Variants in CHRM3 observed in about 807,000 individuals in gnomAD.
CHRM3 encodes muscarinic acetylcholine receptor M3.
CHRM3 carries 11 observed loss-of-function variants against 41.8 expected under a neutral mutation model. The ratio of observed to expected loss-of-function variants is 0.26; its 90% CI spans 0.17 to 0.44. CHRM3 has a LOEUF of 0.44. Ranked by LOEUF, CHRM3 falls within the 20% of genes least tolerant of loss-of-function variation. CHRM3 has a pLI of 1.00. For synonymous variants in CHRM3, 297 were observed against 301.4 expected, an observed-to-expected ratio of 0.99 and a Z score of 0.15; for missense variants, 571 against 745.4, an observed-to-expected ratio of 0.77 and a Z score of 2.72.
At chr1:239,722,861 C>T (rs1209126737) in intron 5 of CHRM3, among the ~76,000 whole-genome samples, 1 of 151,632 alleles carries the variant, frequency 6.6e-6, no homozygotes, top group Non-Finnish European at 1.5e-5. Flanking sequence ...TAACACATTC[C>T]AGGGTAAATA....
chr1:239,548,258 A>G (rs1659480676), intron 3 of CHRM3, among the ~76,000 whole-genome samples: 1 of 152,166 alleles, frequency 6.6e-6, no homozygotes, highest in African/African-American at 2.4e-5. Context: ...TAGAGTCAAG[A>G]GCATGAGCCC....
chr1:239,821,707 C>A (rs1320646107), intron 5 of CHRM3, among the ~76,000 whole-genome samples: 1 of 152,146 alleles, frequency 6.6e-6, no homozygotes, highest in African/African-American at 2.4e-5. Context: ...TTCTAAATTC[C>A]AGAATCAGAA....
At position 239,907,981 on chromosome 1, in the gene CHRM3, G is replaced by A. The variant is rs772370324; in HGVS notation, c.530G>A (p.Arg177Gln). Residue 177 changes from arginine (R) to glutamine (Q), a missense_variant, in exon 7 of 7, where the codon CGA becomes CAA. Around this residue, in one of 5 missense-constraint regions of CHRM3, gnomAD observed 153 missense variants for 296.3 expected, o/e 0.52. Transcript: ENST00000676153. The surrounding 1 kb of genome is among the most constrained non-coding windows in gnomAD (Gnocchi z 5.4). ...TCCATCACGAGGCCGCTCACGTACC[G>A]AGCCAAACGAACAACAAAGAGAGCC... ...YFSITRPLTY[R>Q]AKRTTKRAGV... The A allele has an allele frequency of 3.7e-6, 6 of 1,614,108 alleles. No homozygotes were observed. The highest frequency in any genetic ancestry group is 5.1e-6 in the Non-Finnish European group (6 of 1,180,010).
chr1:239,780,606 C>T (rs1044335665), intron 5 of CHRM3, among the ~76,000 whole-genome samples: 2 of 152,146 alleles, frequency 1.3e-5, no homozygotes, highest in South Asian at 2.1e-4. Flanking sequence ...ACAGAGAAGA[C>T]ATTTTAATGA....
rs143673162 is a variant in CHRM3, at chr1:239,762,014, G to A, written c.-146-65238G>A. 6.2e-3 allele frequency among the ~76,000 whole-genome samples: 937 copies of A among 152,250 alleles called. 8 individuals carry two copies. The highest frequency in any genetic ancestry group is 7.7e-3 in the Non-Finnish European group (523 of 68,018). ...GGGAGTAGACTGGAATGATCCTCGG[G>A]TTCACTTTGCTTGGTTCCCTTTTCT... On this transcript the variant is annotated intron_variant, in intron 5 of 6. Coordinates refer to ENST00000676153, the MANE Select transcript of CHRM3 (RefSeq NM_001375978.1).
At chr1:239,784,395 G>A (rs1305518699) in intron 5 of CHRM3, among the ~76,000 whole-genome samples, 1 of 151,874 alleles carries the variant, frequency 6.6e-6, no homozygotes, top group Non-Finnish European at 1.5e-5. Context: ...TAGTATATCA[G>A]TTTTACTCCT....
At chr1:239,548,982 A>G (rs1165359244) in intron 3 of CHRM3, among the ~76,000 whole-genome samples, 4 of 152,214 alleles carry the variant, frequency 2.6e-5, no homozygotes, top group African/African-American at 7.2e-5. Flanking sequence ...TTACGGTTCT[A>G]TGTGGCTGGG....
chr1:239,756,077 C>G (rs1666219846), intron 5 of CHRM3, among the ~76,000 whole-genome samples: 2 of 152,242 alleles, frequency 1.3e-5, no homozygotes, highest in Non-Finnish European at 2.9e-5. Context: ...CTAAGCTTCC[C>G]CAGCAAATGA....
chr1:239,709,076 A>G (rs947616970), intron 5 of CHRM3, among the ~76,000 whole-genome samples: 1 of 152,096 alleles, frequency 6.6e-6, no homozygotes, highest in Non-Finnish European at 1.5e-5. Flanking sequence ...ACTGTTTTCT[A>G]TCTGTTTCTA....
At chr1:239,454,758 A>G (rs939385869) in intron 1 of CHRM3, among the ~76,000 whole-genome samples, 19 of 152,116 alleles carry the variant, frequency 1.2e-4, no homozygotes, top group African/African-American at 4.6e-4. Flanking sequence ...GACCAAATAC[A>G]ATTATATACC....
intron 5 of CHRM3, among the ~76,000 whole-genome samples, chr1:239,727,215 A>C (rs1325470609): frequency 6.6e-6 from 1 of 151,974 alleles, no homozygotes; most frequent in Non-Finnish European, 1.5e-5. Context: ...GGAGAGCTAT[A>C]GTCTGCTTTG....
chr1:239,828,359 TA>T (rs1289061008), intron 6 of CHRM3, among the ~76,000 whole-genome samples: 1 of 152,078 alleles, frequency 6.6e-6, no homozygotes, highest in African/African-American at 2.4e-5. Context: ...TATGCACCTA[TA>T]TAGGTACACA....
At chr1:239,770,945 G>C (rs930220262) in intron 5 of CHRM3, among the ~76,000 whole-genome samples, 1 of 151,942 alleles carries the variant, frequency 6.6e-6, no homozygotes, top group African/African-American at 2.4e-5. Flanking sequence ...AAAATTAGCT[G>C]GGCCTGGTGG....
rs1302430309 is a variant in CHRM3 at position 239,728,299 on chromosome 1, GA to G, written c.-147+50013del. Among the ~76,000 whole-genome samples, 3 of 152,068 alleles carry G rather than the reference GA, an allele frequency of 2.0e-5. No individual in the cohort carries two copies. The East Asian group carries it at 5.8e-4, about 30-fold the overall frequency. On this transcript the variant is annotated intron_variant, in intron 5 of 6. Coordinates refer to ENST00000676153, the MANE Select transcript of CHRM3 (RefSeq NM_001375978.1). The stretch of plus-strand genomic sequence containing the variant: ...CTTTGAATGAGATTAGGATATAACA[GA>G]ATGAGACCTTAGGAGTTCGGGCAAA...
intron 5 of CHRM3, among the ~76,000 whole-genome samples, chr1:239,731,999 C>A (rs961204280): frequency 1.3e-5 from 2 of 151,874 alleles, no homozygotes; most frequent in African/African-American, 4.8e-5. Flanking sequence ...ATTTAGCAAC[C>A]TTTCCATTTT....
At chr1:239,637,162 A>G (rs1008386718) in intron 4 of CHRM3, among the ~76,000 whole-genome samples, 2 of 152,164 alleles carry the variant, frequency 1.3e-5, no homozygotes, top group Non-Finnish European at 2.9e-5. Context: ...TACAGAAATG[A>G]TGACCTGTAA....
chr1:239,867,509 G>A (rs527267671), intron 6 of CHRM3, among the ~76,000 whole-genome samples: 1 of 152,192 alleles, frequency 6.6e-6, no homozygotes, highest in African/African-American at 2.4e-5. Context: ...CCAACATGGT[G>A]AAACCCTGTC....
intron 1 of CHRM3, among the ~76,000 whole-genome samples, chr1:239,453,246 C>T (rs1270581400): frequency 1.3e-5 from 2 of 152,184 alleles, no homozygotes; most frequent in Non-Finnish European, 2.9e-5. Context: ...GTTTTACTTC[C>T]AGGACAAAAG....
At chr1:239,471,743 T>C (rs1175636184) in intron 1 of CHRM3, among the ~76,000 whole-genome samples, 1 of 152,182 alleles carries the variant, frequency 6.6e-6, no homozygotes, top group East Asian at 1.9e-4. Flanking sequence ...GGCCTAGGAA[T>C]ACACCCATTT....
Sources: allele counts gnomAD v4.1 joint callset (sites outside exome capture counted in the v4.1 genomes callset), GRCh38; gene constraint gnomAD v4.1.1; regional missense constraint gnomAD v4.1.1; non-coding constraint Gnocchi (gnomAD v3.1); transcripts MANE v1.5; gene names NCBI Gene and HGNC (gene_info 2026-07-23, HGNC 2026-07-21).